Variants in KHDRBS2 observed in about 807,000 individuals in gnomAD.
KHDRBS2 encodes the protein KH domain-containing, RNA-binding, signal transduction-associated protein 2.
A neutral mutation model predicts 44.3 loss-of-function variants in KHDRBS2; 26 were observed. The ratio of observed to expected loss-of-function variants is 0.59; its 90% confidence interval spans 0.43 to 0.81. The LOEUF is 0.81. Among genes scored for constraint, KHDRBS2 ranks in the 40% least tolerant of loss-of-function variants. KHDRBS2 has a pLI of 0.00. For synonymous variants in KHDRBS2, 194 were observed against 151.1 expected, an observed-to-expected ratio of 1.28 and a Z score of -2.08; for missense variants, 476 against 433.1, an observed-to-expected ratio of 1.10 and a Z score of -0.88.
chr6:62,065,140 C>T (rs577549437), intron 2 of KHDRBS2, among the ~76,000 whole-genome samples: 90 of 150,878 alleles, frequency 6.0e-4, no homozygotes, highest in African/African-American at 2.1e-3. Flanking sequence ...ACAACAGGTG[C>T]TGGAGAGGAT....
At chr6:61,728,442 TA>T (rs1773925662) in intron 7 of KHDRBS2, among the ~76,000 whole-genome samples, 1 of 152,010 alleles carries the variant, frequency 6.6e-6, no homozygotes, top group Non-Finnish European at 1.5e-5. Flanking sequence ...ACTCTGAATT[TA>T]AAATAAAAGT....
Position 62,229,297 on chromosome 6 carries a change from C to G in KHDRBS2, c.92-51985G>C, listed in dbSNP as rs554634711. On this transcript the variant is annotated intron_variant, in intron 1 of 8. Coordinates refer to ENST00000281156, the MANE Select transcript of KHDRBS2 (RefSeq NM_152688.4). Reference sequence around the variant, plus strand: ...GGGGCACTCGGTCTACAGTATGCCACGGCTCCTGCGTTGAGCTGTGGGGGA... The same window carrying G: ...GGGGCACTCGGTCTACAGTATGCCAGGGCTCCTGCGTTGAGCTGTGGGGGA... Among the ~76,000 whole-genome samples, 110 of 152,190 alleles carry G rather than the reference C, an allele frequency of 7.2e-4. 1 individual carries two copies. Among genetic ancestry groups the G allele is most frequent in the African/African-American group, 2.5e-3 (105 of 41,550 alleles).
chr6:61,801,058 A>G (rs1786179075), intron 6 of KHDRBS2, among the ~76,000 whole-genome samples: 1 of 152,194 alleles, frequency 6.6e-6, no homozygotes, highest in Non-Finnish European at 1.5e-5. Context: ...AGGAGCAATA[A>G]CAACAGTTAT....
intron 1 of KHDRBS2, among the ~76,000 whole-genome samples, chr6:62,256,480 G>T (rs1462322901): frequency 6.6e-6 from 1 of 151,874 alleles, no homozygotes; most frequent in Non-Finnish European, 1.5e-5. Context: ...TTTTATAAGG[G>T]GGAGCTTCCC....
intron 1 of KHDRBS2, 117 bp downstream of exon 1, chr6:62,285,741 G>C (rs1464340380): frequency 2.2e-5 from 15 of 669,410 alleles, no homozygotes; most frequent in Non-Finnish European, 2.8e-5. Flanking sequence ...CATCTTCAGG[G>C]GGACAGTTTC....
chr6:61,823,663 C>T (rs1407974856), intron 6 of KHDRBS2, among the ~76,000 whole-genome samples: 1 of 152,024 alleles, frequency 6.6e-6, no homozygotes, highest in Non-Finnish European at 1.5e-5. Context: ...TTATCTATTG[C>T]TTTTCCTGAA....
At chr6:61,955,113 T>TGC (rs370756686) in intron 4 of KHDRBS2, among the ~76,000 whole-genome samples, 1 of 140,644 alleles carries the variant, frequency 7.1e-6, no homozygotes, top group East Asian at 2.3e-4. Context: ...TATACACATA[T>TGC]GTGTATATAT....
intron 2 of KHDRBS2, among the ~76,000 whole-genome samples, chr6:62,054,270 G>C (rs1324566169): frequency 1.3e-5 from 2 of 152,044 alleles, no homozygotes; most frequent in African/African-American, 4.8e-5. Context: ...CACATATCAA[G>C]ATTCATCATA....
chr6:62,111,899 CAA>C (rs1342753864), intron 2 of KHDRBS2, among the ~76,000 whole-genome samples: 8 of 152,030 alleles, frequency 5.3e-5, no homozygotes, highest in Non-Finnish European at 1.2e-4. Flanking sequence ...GACAAGAAAA[CAA>C]AAGTCAGATT....
At chr6:61,703,920 G>A (rs1302295521) in intron 7 of KHDRBS2, among the ~76,000 whole-genome samples, 1 of 151,856 alleles carries the variant, frequency 6.6e-6, no homozygotes, top group African/African-American at 2.4e-5. Context: ...TCCCTTGGAG[G>A]AGAACATCTA....
intron 6 of KHDRBS2, among the ~76,000 whole-genome samples, chr6:61,786,503 T>A (rs986318754): frequency 6.6e-6 from 1 of 151,904 alleles, no homozygotes; most frequent in Non-Finnish European, 1.5e-5. Context: ...AAAGCAAAGA[T>A]CAAACAATCT....
intron 4 of KHDRBS2, among the ~76,000 whole-genome samples, chr6:61,917,349 A>G (rs1287449368): frequency 1.3e-5 from 2 of 151,954 alleles, no homozygotes; most frequent in African/African-American, 2.4e-5. Context: ...ACTTAAATGT[A>G]TATTAAAAGC....
chr6:61,771,162 G>T (rs1780826254), intron 6 of KHDRBS2, among the ~76,000 whole-genome samples: 3 of 152,136 alleles, frequency 2.0e-5, no homozygotes, highest in Non-Finnish European at 4.4e-5. Context: ...CACCAGGCCT[G>T]CCCTAAAAGA....
intron 6 of KHDRBS2, among the ~76,000 whole-genome samples, chr6:61,834,504 A>G (rs547478687): frequency 1.1e-4 from 16 of 152,166 alleles, no homozygotes; most frequent in African/African-American, 3.8e-4. Context: ...TAATTGAAGA[A>G]AAGAATACTC....
chr6:61,877,003 G>C (rs1799506740), intron 6 of KHDRBS2, among the ~76,000 whole-genome samples: 1 of 151,960 alleles, frequency 6.6e-6, no homozygotes, highest in African/African-American at 2.4e-5. Flanking sequence ...ATCCAGCCTT[G>C]CCACCTGTTT....
At chr6:62,046,412 A>G (rs1217757598) in intron 3 of KHDRBS2, among the ~76,000 whole-genome samples, 1 of 152,012 alleles carries the variant, frequency 6.6e-6, no homozygotes, top group African/African-American at 2.4e-5. Context: ...AAACAGATAC[A>G]GTAAAATATG....
At chr6:62,034,693 G>GAAAAAAAAA (rs1171214560) in intron 3 of KHDRBS2, among the ~76,000 whole-genome samples, 4 of 60,748 alleles carry the variant, frequency 6.6e-5, no homozygotes, top group Non-Finnish European at 9.1e-5. Context: ...ATTCTGAACA[G>GAAAAAAAAA]AAAAAAAAAA....
chr6:61,955,945 C>G (rs185086778), intron 4 of KHDRBS2, among the ~76,000 whole-genome samples: 15 of 151,974 alleles, frequency 9.9e-5, no homozygotes, highest in Admixed American at 9.2e-4. Context: ...AGCAAAGGAG[C>G]AAGAATTTGA....
intron 1 of KHDRBS2, among the ~76,000 whole-genome samples, chr6:62,220,619 A>C (rs1475649373): frequency 6.6e-6 from 1 of 151,864 alleles, no homozygotes; most frequent in Non-Finnish European, 1.5e-5. Flanking sequence ...AACAATTAAC[A>C]TTAGACTATT....
Sources: gnomAD v4.1 joint callset for allele counts (sites outside exome capture counted in the v4.1 genomes callset) on GRCh38, gnomAD v4.1.1 for gene constraint, MANE v1.5 for transcripts, NCBI Gene and HGNC (gene_info 2026-07-23, HGNC 2026-07-21) for gene names.